Variants in CROT observed in about 807,000 individuals in gnomAD.
CROT encodes the protein carnitine O-octanoyltransferase, also known as peroxisomal carnitine O-octanoyltransferase.
Under a neutral mutation model 89.2 loss-of-function variants are expected in CROT, and 84 were observed. That is an observed-to-expected ratio of 0.94 (90% CI 0.79 to 1.13). The LOEUF (loss-of-function observed/expected upper bound fraction) is 1.13, where lower values mean the gene tolerates loss of function less well. Ranked by LOEUF, CROT falls within the 50% of genes most tolerant of loss-of-function variation. The pLI is 0.00. For missense variants in CROT, 711 were observed against 727.8 expected (o/e 0.98, Z 0.27); for synonymous variants, 212 against 239.5 (o/e 0.89, Z 1.06).
intron 10 of CROT, 139 bp from the exon 11 acceptor site, chr7:87,381,768 TATC>T: frequency 1.8e-6 from 1 of 568,032 alleles, no homozygotes; most frequent in East Asian, 2.9e-5. Context: ...TCTTCTATCT[TATC>T]ATATCCTCAA....
At chr7:87,373,718 A>T (rs1806714338) in intron 7 of CROT, among the ~76,000 whole-genome samples, 1 of 152,086 alleles carries the variant, frequency 6.6e-6, no homozygotes, top group Non-Finnish European at 1.5e-5. Context: ...AAAGGTGATC[A>T]TTGAAACTAT....
intron 3 of CROT, among the ~76,000 whole-genome samples, chr7:87,355,281 G>A (rs1562927726): frequency 1.3e-5 from 2 of 151,776 alleles, no homozygotes; most frequent in South Asian, 4.2e-4. Context: ...TGTATTTTTT[G>A]TAGAAATGGA....
chr7:87,391,271 G>A (rs1472251500), intron 13 of CROT, among the ~76,000 whole-genome samples: 1 of 152,186 alleles, frequency 6.6e-6, no homozygotes, highest in Non-Finnish European at 1.5e-5. Flanking sequence ...TTAGATGCAA[G>A]TCACTGTCTA....
intron 3 of CROT, among the ~76,000 whole-genome samples, chr7:87,351,697 C>T (rs540673495): frequency 8.5e-5 from 13 of 152,266 alleles, no homozygotes; most frequent in African/African-American, 2.9e-4. Flanking sequence ...TTATGAGAGG[C>T]AGGTTTAATT....
chr7:87,380,588 T>C, intron 10 of CROT, among the ~76,000 whole-genome samples: 1 of 152,210 alleles, frequency 6.6e-6, no homozygotes, highest in Non-Finnish European at 1.5e-5. Context: ...ATATTGCCTC[T>C]GTGTAAGTGC....
At chr7:87,351,077 G>A (rs1245231382) in intron 3 of CROT, among the ~76,000 whole-genome samples, 2 of 152,062 alleles carry the variant, frequency 1.3e-5, no homozygotes, top group Admixed American at 6.6e-5. Context: ...GGGAGACTGA[G>A]GCAGGTTGAT....
At chr7:87,382,017 C>A (rs1807025318) in intron 11 of CROT, 24 bp downstream of exon 11, 6 of 1,584,816 alleles carry the variant, frequency 3.8e-6, no homozygotes, top group Middle Eastern at 1.7e-4. Context: ...AATATTTCAT[C>A]TTTTTTCTCC....
chr7:87,370,112 A>G (rs1330011773), intron 7 of CROT, among the ~76,000 whole-genome samples: 1 of 152,128 alleles, frequency 6.6e-6, no homozygotes, highest in African/African-American at 2.4e-5. Context: ...TAGATATTTC[A>G]GTATACATCT....
Position 87,392,601 on chromosome 7 carries a change from T to C in CROT, c.1461T>C (p.Phe487=), listed in dbSNP as rs141890726. ...GGCAGCAAAAGATGTTACAAGCTTT[T>C]GCAAAGCATAATAAAATGATGAAAG... The part of the protein sequence containing the change: ...RERQQKMLQA[F]AKHNKMMKDC... The change falls in exon 15 of 18, where the codon TTT becomes TTC. Residue 487 remains phenylalanine (F), a synonymous_variant. Transcript: ENST00000331536. The C allele has an allele frequency of 2.0e-4, 320 of 1,613,636 alleles. 2 individuals carry two copies. The African/African-American group carries it at 3.7e-3, about 19-fold the overall frequency.
At chr7:87,370,345 GC>G (rs1806593264) in intron 7 of CROT, among the ~76,000 whole-genome samples, 1 of 152,052 alleles carries the variant, frequency 6.6e-6, no homozygotes, top group African/African-American at 2.4e-5. Flanking sequence ...ACCATGGCCA[GC>G]TAATTATTGT....
chr7:87,391,062 G>C (rs1279972908), intron 13 of CROT, among the ~76,000 whole-genome samples: 1 of 152,210 alleles, frequency 6.6e-6, no homozygotes, highest in Admixed American at 6.5e-5. Flanking sequence ...TCACCCACGG[G>C]AACTAGTAGC....
At chr7:87,391,059 C>T (rs1235900265) in intron 13 of CROT, among the ~76,000 whole-genome samples, 2 of 152,220 alleles carry the variant, frequency 1.3e-5, no homozygotes, top group African/African-American at 2.4e-5. Flanking sequence ...AGCTCACCCA[C>T]GGGAACTAGT....
chr7:87,360,014 T>C (rs976564184), intron 4 of CROT: 3 of 980,882 alleles, frequency 3.1e-6, no homozygotes, highest in African/African-American at 3.5e-5. Flanking sequence ...TGATGAACCA[T>C]TTATATCTGT....
At chr7:87,373,917 C>G (rs1806723396) in intron 7 of CROT, among the ~76,000 whole-genome samples, 1 of 152,036 alleles carries the variant, frequency 6.6e-6, no homozygotes, top group Non-Finnish European at 1.5e-5. Flanking sequence ...ATAATTTTAA[C>G]ATTCATACCT....
chr7:87,394,288 G>A (rs866612642), intron 17 of CROT, among the ~76,000 whole-genome samples: 3 of 152,122 alleles, frequency 2.0e-5, no homozygotes, highest in South Asian at 4.1e-4. Flanking sequence ...GAAGCAGTTT[G>A]TCTCTTTAGC....
intron 3 of CROT, among the ~76,000 whole-genome samples, chr7:87,355,550 A>G (rs1027409578): frequency 3.3e-5 from 5 of 152,198 alleles, no homozygotes; most frequent in African/African-American, 7.2e-5. Context: ...ACTTCCCTCA[A>G]TTGAGAGATG....
At chr7:87,381,530 A>C (rs1398053706) in intron 10 of CROT, among the ~76,000 whole-genome samples, 1 of 152,150 alleles carries the variant, frequency 6.6e-6, no homozygotes. Context: ...TGCCATCCCC[A>C]TCTGCTTTTC....
Position 87,398,699 on chromosome 7 carries a change from G to T in CROT, c.*55G>T, listed in dbSNP as rs1009142851. The T allele has an allele frequency of 1.6e-5, 24 of 1,547,580 alleles. No homozygotes were observed. Among genetic ancestry groups the T allele is most frequent in the Admixed American group, 5.3e-5 (3 of 57,046 alleles). On this transcript the variant is annotated 3_prime_UTR_variant, in exon 18 of 18. Transcript: ENST00000331536. ...AACATATCATTAAACTGAGTGCTGG[G>T]AGTGAGTTGGTAATATGAGATGGGA... is the stretch of plus-strand genomic sequence containing the variant.
intron 17 of CROT, 22 bp downstream of exon 17, chr7:87,393,089 C>A: frequency 6.2e-7 from 1 of 1,609,288 alleles, no homozygotes; most frequent in Non-Finnish European, 8.5e-7. Flanking sequence ...CTTTTTTATT[C>A]TTTCTGTGCT....
Sources: gnomAD v4.1 joint callset for allele counts (sites outside exome capture counted in the v4.1 genomes callset) on GRCh38, gnomAD v4.1.1 for gene constraint, MANE v1.5 for transcripts, NCBI Gene and HGNC (gene_info 2026-07-23, HGNC 2026-07-21) for gene names.